SLC26A7: variants seen among roughly 807,000 people sequenced by gnomAD.
SLC26A7 encodes solute carrier family 26 member 7.
SLC26A7 carries 59 observed loss-of-function variants against 82.5 expected under a neutral mutation model. That is an observed-to-expected ratio of 0.72 (90% CI 0.58 to 0.89). The LOEUF is 0.89. Among genes scored for constraint, SLC26A7 ranks in the 40% least tolerant of loss-of-function variants. The probability of loss-of-function intolerance (pLI) is 0.00; values close to 1 mark genes in which losing one functional copy is unlikely to be tolerated. For missense variants in SLC26A7, 820 were observed against 793.0 expected (o/e 1.03, Z -0.41); for synonymous variants, 271 against 274.3 (o/e 0.99, Z 0.12).
chr8:91,358,818 A>G (rs879959878), intron 11 of SLC26A7, among the ~76,000 whole-genome samples: 1 of 152,186 alleles, frequency 6.6e-6, no homozygotes, highest in African/African-American at 2.4e-5. Context: ...ATTCGCAGCA[A>G]ACTATCACAA....
At chr8:91,278,177 G>A (rs753967413) in intron 2 of SLC26A7, among the ~76,000 whole-genome samples, 3 of 151,980 alleles carry the variant, frequency 2.0e-5, no homozygotes, top group Non-Finnish European at 4.4e-5. Flanking sequence ...ATGTATGAGT[G>A]GGCATTAACA....
chr8:91,239,808 C>G (rs977681684), intron 2 of SLC26A7, among the ~76,000 whole-genome samples: 4 of 152,096 alleles, frequency 2.6e-5, no homozygotes, highest in Admixed American at 2.0e-4. Flanking sequence ...GGACTACAAA[C>G]TGGGTAAGAT....
Position 91,340,444 on chromosome 8 carries a change from G to A in SLC26A7, c.919G>A (p.Ala307Thr), listed in dbSNP as rs773027913. ...PRAPPMNILSAVITEAFGVAL... is the reference protein window; with the variant it reads ...PRAPPMNILSTVITEAFGVAL... ...AGCTCCCCCGATGAACATCCTCTCT[G>A]CGGTGATCACTGAAGCTTTCGGAGT... Residue 307 changes from alanine (A) to threonine (T), a missense_variant, in exon 8 of 19, where the codon GCG becomes ACG. Coordinates refer to ENST00000276609, the MANE Select transcript of SLC26A7 (RefSeq NM_052832.4). 5 of 1,613,908 alleles carry A rather than the reference G, an allele frequency of 3.1e-6. No individual in the cohort carries two copies. Among genetic ancestry groups the A allele is most frequent in the Non-Finnish European group, 3.4e-6 (4 of 1,179,910 alleles).
intron 2 of SLC26A7, among the ~76,000 whole-genome samples, chr8:91,241,053 A>T (rs928087679): frequency 7.2e-5 from 11 of 152,188 alleles, no homozygotes; most frequent in Admixed American, 2.0e-4. Flanking sequence ...CTTCTAAGGA[A>T]ACAATCAGAA....
At chr8:91,363,577 T>A in intron 13 of SLC26A7, 39 bp downstream of exon 13, 1 of 1,190,868 alleles carries the variant, frequency 8.4e-7, no homozygotes, top group African/African-American at 1.6e-5. Context: ...CAATTGTTAA[T>A]CATTTTGTGG....
chr8:91,309,393 T>G (rs1373478588), intron 4 of SLC26A7, among the ~76,000 whole-genome samples: 1 of 151,796 alleles, frequency 6.6e-6, no homozygotes, highest in Non-Finnish European at 1.5e-5. Flanking sequence ...TCATTCTAGC[T>G]TTCTGGCCTT....
Position 91,362,356 on chromosome 8 carries a change from A to T in SLC26A7, c.1318A>T (p.Ile440Leu). Reference sequence around the variant, plus strand: ...CTGTTTCTTGTTTCTCTTTCAGGGAATATGGGTCAGTACATATGTATTTAC... The same window carrying T: ...CTGTTTCTTGTTTCTCTTTCAGGGATTATGGGTCAGTACATATGTATTTAC... ...YWNVDKIDWG[I>L]WVSTYVFTIC... Residue 440 changes from isoleucine (I) to leucine (L), a missense_variant, in exon 12 of 19, where the codon ATA becomes TTA. Ile to Leu is a conservative substitution (Grantham distance 5, BLOSUM62 2). Transcript: ENST00000276609. 1 of 1,606,390 alleles carries T rather than the reference A, an allele frequency of 6.2e-7. No individual in the cohort carries two copies. Among genetic ancestry groups the T allele is most frequent in the Non-Finnish European group, 8.5e-7 (1 of 1,175,338 alleles).
In SLC26A7 at chr8:91,249,757, G is replaced by T; in HGVS notation, c.106G>T (p.Asp36Tyr). The T allele has an allele frequency of 1.2e-6, 2 of 1,612,482 alleles. No homozygotes were observed. Residue 36 changes from aspartate to tyrosine, a missense_variant, in exon 2 of 19, where the codon GAT becomes TAT. Physicochemically the swap from Asp to Tyr is radical, Grantham distance 160 (BLOSUM62 -3). Coordinates refer to ENST00000276609, the MANE Select transcript of SLC26A7 (RefSeq NM_052832.4). Reference sequence around the variant, plus strand: ...GTGTAGAAGGCGACTGCCCATTTTGGATTGGGCACCACATTACAATCTGAA... The same window carrying T: ...GTGTAGAAGGCGACTGCCCATTTTGTATTGGGCACCACATTACAATCTGAA... ...QWCRRRLPIL[D>Y]WAPHYNLKEN... is the part of the protein sequence containing the mutation.
chr8:91,343,995 G>T, intron 9 of SLC26A7: 1 of 943,512 alleles, frequency 1.1e-6, no homozygotes, highest in Non-Finnish European at 1.3e-6. Context: ...CAGGCATTCT[G>T]CTGGGTACTG....
In SLC26A7 at chr8:91,298,035, C is replaced by T. The variant is rs182443538; in HGVS notation, c.477+2332C>T. ...AGAGAACCCTCCTATCGGAGGCTTA[C>T]ACCATAAAGATATTTATTGCTTCTT... On this transcript the variant is annotated intron_variant, in intron 4 of 18. Coordinates refer to ENST00000276609, the MANE Select transcript of SLC26A7 (RefSeq NM_052832.4). 8.3e-4 allele frequency among the ~76,000 whole-genome samples: 126 copies of T among 152,276 alleles called. 1 individual carries two copies. Among genetic ancestry groups the T allele is most frequent in the Non-Finnish European group, 1.5e-4 (10 of 67,984 alleles).
Position 91,279,125 on chromosome 8 carries a change from GTATATATATATATATATATATATATA to G in SLC26A7, c.194-9995_194-9970del, listed in dbSNP as rs55869816. Among the ~76,000 whole-genome samples the G allele has an allele frequency of 3.0e-4, 33 of 111,292 alleles. 1 individual carries two copies. The highest frequency in any genetic ancestry group is 7.4e-4 in the African/African-American group (21 of 28,312). 73.0% of individuals were successfully genotyped at this position (111,292 alleles called of 152,430 possible). A position where few individuals can be genotyped will look rare whatever the true frequency, so the allele number is the denominator to read the frequency against. On this transcript the variant is annotated intron_variant, in intron 2 of 18. Coordinates refer to ENST00000276609, the MANE Select transcript of SLC26A7 (RefSeq NM_052832.4). Reference sequence around the variant, plus strand: ...TATTTCATAGTATGTGTGTGTGTGTGTATATATATATATATATATATATATATATATATATATATATGTATCACATT... The same window carrying G: ...TATTTCATAGTATGTGTGTGTGTGTGTATATATATATATATGTATCACATT...
At chr8:91,234,139 A>G (rs569214326) in intron 2 of SLC26A7, among the ~76,000 whole-genome samples, 153 of 152,316 alleles carry the variant, frequency 1.0e-3, no homozygotes, top group African/African-American at 3.4e-3. Context: ...ATTCTCTGAA[A>G]GTTCTGGTAT....
At chr8:91,378,363 A>C (rs962401685) in intron 15 of SLC26A7, among the ~76,000 whole-genome samples, 9 of 147,436 alleles carry the variant, frequency 6.1e-5, no homozygotes, top group African/African-American at 2.0e-4. Flanking sequence ...TATAATGTAT[A>C]ATTATATATT....
At chr8:91,374,673 TC>T (rs1025543818) in intron 15 of SLC26A7, among the ~76,000 whole-genome samples, 2 of 152,062 alleles carry the variant, frequency 1.3e-5, no homozygotes, top group African/African-American at 2.4e-5. Context: ...TACAGAATGT[TC>T]CATTTGCAGA....
intron 9 of SLC26A7, among the ~76,000 whole-genome samples, chr8:91,345,657 C>T (rs949295042): frequency 1.3e-5 from 2 of 152,138 alleles, no homozygotes; most frequent in African/African-American, 4.8e-5. Flanking sequence ...GTTTTCTAGT[C>T]CAAGATGCCC....
chr8:91,336,173 T>G (rs1043192883), intron 6 of SLC26A7, among the ~76,000 whole-genome samples: 1 of 152,098 alleles, frequency 6.6e-6, no homozygotes, highest in Non-Finnish European at 1.5e-5. Context: ...CAGGTTTGAG[T>G]TGGGCACAAA....
At chr8:91,310,890 C>T (rs1812462740) in intron 4 of SLC26A7, among the ~76,000 whole-genome samples, 1 of 152,142 alleles carries the variant, frequency 6.6e-6, no homozygotes, top group Non-Finnish European at 1.5e-5. Flanking sequence ...AAGCTGCCTG[C>T]TTGGCCCCTT....
intron 2 of SLC26A7, among the ~76,000 whole-genome samples, chr8:91,276,516 C>A (rs10099410): frequency 0.11 from 16,747 of 152,072 alleles, 1,093 homozygotes; most frequent in Middle Eastern, 0.21. Context: ...AGATGGTGTT[C>A]ATCAAAATTC....
At chr8:91,361,747 A>T (rs1814054838) in intron 11 of SLC26A7, among the ~76,000 whole-genome samples, 1 of 152,112 alleles carries the variant, frequency 6.6e-6, no homozygotes, top group African/African-American at 2.4e-5. Flanking sequence ...ATCTTTTGAA[A>T]TGTTCCCCAA....
Sources: gnomAD v4.1 joint callset for allele counts (sites outside exome capture counted in the v4.1 genomes callset) on GRCh38, gnomAD v4.1.1 for gene constraint, MANE v1.5 for transcripts, NCBI Gene and HGNC (gene_info 2026-07-23, HGNC 2026-07-21) for gene names.